MRPS25: variants seen among roughly 807,000 people sequenced by gnomAD.
MRPS25 encodes the protein mitochondrial ribosomal protein S25.
In MRPS25, 15 loss-of-function variants were observed where a neutral mutation model predicts 17.3. The observed-to-expected ratio is 0.87, with a 90% confidence interval of 0.58 to 1.34. MRPS25 has a LOEUF of 1.34. Ranked by LOEUF, MRPS25 falls within the 40% of genes most tolerant of loss-of-function variation. The pLI is 0.00. For missense variants in MRPS25, 225 were observed against 218.6 expected (o/e 1.03, Z -0.19); for synonymous variants, 94 against 83.3 (o/e 1.13, Z -0.70).
chr3:15,053,480 A>C lies in MRPS25; in HGVS notation c.242-13T>G. On this transcript the variant is annotated splice_polypyrimidine_tract_variant and intron_variant, in intron 2 of 3. Transcript: ENST00000253686. ...TGCTCCCCAGAATCTGGAAACGGAA[A>C]GCACGGGGCAGAAGAGAAACAGAAC... is the stretch of plus-strand genomic sequence containing the variant. 6.2e-7 allele frequency: 1 copy of C among 1,614,218 alleles called. No individual in the cohort carries two copies. The highest frequency in any genetic ancestry group is 8.5e-7 in the Non-Finnish European group (1 of 1,180,036).
At chr3:15,043,836 A>G (rs1394514612), downstream of MRPS25, 2 of 152,240 alleles carry the variant, frequency 1.3e-5, no homozygotes, top group Admixed American at 6.5e-5. Flanking sequence ...TTGGATTGCA[A>G]CTAGTCAGAC....
At chr3:15,057,644 AG>A (rs1489279078) in intron 2 of MRPS25, among the ~76,000 whole-genome samples, 1 of 152,226 alleles carries the variant, frequency 6.6e-6, no homozygotes, top group Non-Finnish European at 1.5e-5. Context: ...AGTGGCACTA[AG>A]GAACTTCCTG....
At position 15,050,076 on chromosome 3, in the gene MRPS25, CAT is replaced by C. The variant is rs1226220598; in HGVS notation, c.*2363_*2364del. 1 of 1,425,114 alleles carries C rather than the reference CAT, an allele frequency of 7.0e-7. No individual in the cohort carries two copies. Among genetic ancestry groups the C allele is most frequent in the Non-Finnish European group, 9.1e-7 (1 of 1,104,346 alleles). The allele number at this position is 1,425,114 out of a possible 1,614,324, so 88.3% of individuals were successfully genotyped here. ...CTCCCATTTCTGTATATTTTAAACCCATCTTTCATCACTACTAAACAAAATAG... is the reference window on the plus strand; with the variant it reads ...CTCCCATTTCTGTATATTTTAAACCCCTTTCATCACTACTAAACAAAATAG... On this transcript the variant is annotated 3_prime_UTR_variant, in exon 4 of 4. Coordinates refer to ENST00000253686, the MANE Select transcript of MRPS25 (RefSeq NM_022497.5).
At chr3:15,054,226 T>C (rs976000719) in intron 2 of MRPS25, among the ~76,000 whole-genome samples, 2 of 148,594 alleles carry the variant, frequency 1.3e-5, no homozygotes, top group African/African-American at 5.0e-5. Context: ...AAAAAAAGAA[T>C]AGACACACAC....
At chr3:15,053,612 A>T (rs1316481375) in intron 2 of MRPS25, 145 bp from the exon 3 acceptor site, 1 of 906,854 alleles carries the variant, frequency 1.1e-6, no homozygotes, top group Non-Finnish European at 1.8e-6. Flanking sequence ...CTGTAATACT[A>T]CCCTTCCTTT....
At chr3:15,061,978 G>A (rs1192677207) in intron 1 of MRPS25, among the ~76,000 whole-genome samples, 28 of 147,190 alleles carry the variant, frequency 1.9e-4, no homozygotes, top group African/African-American at 5.8e-4. Flanking sequence ...CCCTCCGCCC[G>A]GCAGCCGCCC....
rs956904934 is a variant in MRPS25, at chr3:15,059,864, AAAT to A, written c.135-392_135-390del. On this transcript the variant is annotated intron_variant, in intron 1 of 3. Transcript: ENST00000253686. ...GTATCTAGGTTATACCACAATTTTA[AAAT>A]AATGAGACCAATGTATTCACACATG... Among the ~76,000 whole-genome samples the A allele has an allele frequency of 2.0e-4, 31 of 152,248 alleles. 3 individuals are homozygous for A. In the South Asian group the frequency reaches 2.1e-3, roughly 10 times the overall value.
At chr3:15,059,135 A>C (rs1477825122) in intron 2 of MRPS25, among the ~76,000 whole-genome samples, 1 of 152,000 alleles carries the variant, frequency 6.6e-6, no homozygotes, top group Non-Finnish European at 1.5e-5. Flanking sequence ...ACTTTGGAAA[A>C]ATTACCCCCA....
In MRPS25 at chr3:15,049,750, G is replaced by A. The variant is rs2042575726; in HGVS notation, c.*2691C>T. 2 of 625,318 alleles carry A rather than the reference G, an allele frequency of 3.2e-6. No homozygotes were observed. Among genetic ancestry groups the A allele is most frequent in the East Asian group, 6.1e-5 (2 of 32,872 alleles). The allele number at this position is 625,318 out of a possible 1,614,324, so 38.7% of individuals were successfully genotyped here. ...AAAATTCTGAGGTCCAAAGTCTGATGCATGACAGAACTCACTGGCAGGCAG... is the reference window on the plus strand; with the variant it reads ...AAAATTCTGAGGTCCAAAGTCTGATACATGACAGAACTCACTGGCAGGCAG... On this transcript the variant is annotated 3_prime_UTR_variant, in exon 4 of 4. Coordinates refer to ENST00000253686, the MANE Select transcript of MRPS25 (RefSeq NM_022497.5).
Position 15,049,932 on chromosome 3 carries a change from G to T in MRPS25, c.*2509C>A. On this transcript the variant is annotated 3_prime_UTR_variant, in exon 4 of 4. Coordinates refer to ENST00000253686, the MANE Select transcript of MRPS25 (RefSeq NM_022497.5). Reference sequence around the variant, plus strand: ...CAGGTTTAGATGGTGCTGCCAGGTAGTGCCTCAAAGAGAAGAAAAGTGGTC... The same window carrying T: ...CAGGTTTAGATGGTGCTGCCAGGTATTGCCTCAAAGAGAAGAAAAGTGGTC... 6.5e-7 allele frequency: 1 copy of T among 1,530,966 alleles called. No homozygotes were observed. Among genetic ancestry groups the T allele is most frequent in the Non-Finnish European group, 8.7e-7 (1 of 1,145,510 alleles). 94.8% of individuals were successfully genotyped at this position (1,530,966 alleles called of 1,614,324 possible). A position where few individuals can be genotyped will look rare whatever the true frequency, so the allele number is the denominator to read the frequency against.
rs1263347102 is a variant in MRPS25 at position 15,059,466 on chromosome 3, C to T, written c.144G>A (p.Val48=). The change falls in exon 2 of 4, where the codon GTG becomes GTA. Residue 48 remains valine (V), a synonymous_variant. Transcript: ENST00000253686. ...ATTGAATCTGAGGTATGTTGAAAAA[C>T]ACAAACTTCCTGCAAAAGGGAAGAA... ...GELGEGARKF[V]FFNIPQIQYK... is the part of the protein sequence containing the mutation. The T allele has an allele frequency of 5.0e-6, 8 of 1,610,290 alleles. No homozygotes were observed. The highest frequency in any genetic ancestry group is 6.8e-6 in the Non-Finnish European group (8 of 1,176,954).
chr3:15,065,060 C>G lies in MRPS25; in HGVS notation c.134+1G>C, dbSNP rs1239313372. On this transcript the variant is annotated splice_donor_variant, in intron 1 of 3. Transcript: ENST00000253686. LOFTEE classifies it high-confidence loss of function. ...GCCAGGCGGCCGGGGCTGCGACTGACCTGGCGCCCTCGCCCAGCTCCCCAT... is the reference window on the plus strand; with the variant it reads ...GCCAGGCGGCCGGGGCTGCGACTGAGCTGGCGCCCTCGCCCAGCTCCCCAT... 6 of 1,581,894 alleles carry G rather than the reference C, an allele frequency of 3.8e-6. No individual in the cohort carries two copies. Among genetic ancestry groups the G allele is most frequent in the Non-Finnish European group, 5.1e-6 (6 of 1,167,582 alleles).
chr3:15,055,902 T>G (rs1001790975), intron 2 of MRPS25, among the ~76,000 whole-genome samples: 2 of 52,992 alleles, frequency 3.8e-5, no homozygotes, highest in African/African-American at 1.4e-4. Context: ...AAGCAGCCCG[T>G]TTTTTTTTTT....
chr3:15,065,016 G>T, intron 1 of MRPS25, 45 bp downstream of exon 1: 2 of 1,567,918 alleles, frequency 1.3e-6, no homozygotes, highest in South Asian at 2.3e-5. Flanking sequence ...AGGCTGGCAC[G>T]ACTAGCAGGT....
At chr3:15,054,934 T>G (rs1005685716) in intron 2 of MRPS25, among the ~76,000 whole-genome samples, 1 of 152,170 alleles carries the variant, frequency 6.6e-6, no homozygotes, top group African/African-American at 2.4e-5. Flanking sequence ...GACTGAGTAA[T>G]TTATAGAGAA....
At chr3:15,048,035 G>T (rs2042517303), downstream of MRPS25, 1 of 152,638 alleles carries the variant, frequency 6.6e-6, no homozygotes. Context: ...GACCTGGGAA[G>T]CAGGGGCCTG....
chr3:15,043,070 A>G, downstream of MRPS25: 1 of 1,481,828 alleles, frequency 6.7e-7, no homozygotes, highest in African/African-American at 1.4e-5. Flanking sequence ...CATACAAAGA[A>G]AAGTAGTGGT....
chr3:15,055,722 C>G (rs1256868137), intron 2 of MRPS25, among the ~76,000 whole-genome samples: 3 of 151,366 alleles, frequency 2.0e-5, no homozygotes, highest in Non-Finnish European at 4.4e-5. Context: ...GAGACTCCGT[C>G]TTTTAAAAAA....
At chr3:15,056,413 C>T (rs1024639985) in intron 2 of MRPS25, among the ~76,000 whole-genome samples, 1 of 152,176 alleles carries the variant, frequency 6.6e-6, no homozygotes, top group African/African-American at 2.4e-5. Flanking sequence ...CCCCCAGAAC[C>T]TTACACAGCA....
Sources: gnomAD v4.1 joint callset for allele counts (sites outside exome capture counted in the v4.1 genomes callset) on GRCh38, gnomAD v4.1.1 for gene constraint, MANE v1.5 for transcripts, NCBI Gene and HGNC (gene_info 2026-07-23, HGNC 2026-07-21) for gene names.